Variants in SLC23A2 observed in about 807,000 individuals in gnomAD.
SLC23A2 encodes Na(+)/L-ascorbic acid transporter 2.
SLC23A2 carries 36 observed loss-of-function variants against 73.3 expected under a neutral mutation model. The observed-to-expected ratio is 0.49, with a 90% CI of 0.38 to 0.65. SLC23A2 has a LOEUF of 0.65. SLC23A2 is among the 30% of genes least tolerant of loss of function. SLC23A2 has a pLI of 0.00. For missense variants in SLC23A2, 507 were observed against 841.6 expected (o/e 0.60, Z 4.92); for synonymous variants, 343 against 327.3 (o/e 1.05, Z -0.52).
intron 3 of SLC23A2, among the ~76,000 whole-genome samples, chr20:4,930,936 C>T (rs1026133187): frequency 4.6e-5 from 7 of 150,796 alleles, no homozygotes; most frequent in African/African-American, 7.3e-5. Flanking sequence ...TATGATTGTA[C>T]GACTGCCCTC....
At chr20:4,875,093 C>T (rs979812078) in intron 9 of SLC23A2, among the ~76,000 whole-genome samples, 5 of 152,138 alleles carry the variant, frequency 3.3e-5, no homozygotes, top group African/African-American at 1.2e-4. Flanking sequence ...AACTACAAAG[C>T]AAACCAAGAA....
At chr20:4,953,610 C>T (rs2087236297) in intron 2 of SLC23A2, among the ~76,000 whole-genome samples, 2 of 151,986 alleles carry the variant, frequency 1.3e-5, no homozygotes, top group African/African-American at 2.4e-5. Context: ...AAATGCCAGC[C>T]GGATGCAGTG....
At chr20:4,980,156 A>T (rs2087704005) in intron 1 of SLC23A2, among the ~76,000 whole-genome samples, 1 of 152,244 alleles carries the variant, frequency 6.6e-6, no homozygotes, top group Non-Finnish European at 1.5e-5. Context: ...CAGTGTGTTA[A>T]CCTGAATGCA....
chr20:4,933,753 G>C (rs1932814936), intron 2 of SLC23A2, among the ~76,000 whole-genome samples: 1 of 152,130 alleles, frequency 6.6e-6, no homozygotes, highest in African/African-American at 2.4e-5. Context: ...ACAGGTAAGG[G>C]TGGGAAGGGC....
At chr20:4,892,788 C>G (rs1371709520) in intron 6 of SLC23A2, among the ~76,000 whole-genome samples, 1 of 151,980 alleles carries the variant, frequency 6.6e-6, no homozygotes, top group Non-Finnish European at 1.5e-5. Context: ...GGTCTGGAAT[C>G]TTTTTAAAAA....
chr20:4,883,680 C>G lies in SLC23A2; in HGVS notation c.786G>C (p.Ala262=), dbSNP rs35550945. 1.9e-6 allele frequency: 3 copies of G among 1,613,514 alleles called. No homozygotes were observed. Among genetic ancestry groups the G allele is most frequent in the South Asian group, 1.1e-5 (1 of 91,016 alleles). ...ALIGLSGFQA[A]GERAGKHWGI... ...CCCAGTGCTTCCCGGCTCTCTCCCCCGCTGCCTGGAAACCAGAGAGGCCAA... is the reference window on the plus strand; with the variant it reads ...CCCAGTGCTTCCCGGCTCTCTCCCCGGCTGCCTGGAAACCAGAGAGGCCAA... The change falls in exon 9 of 17, where the codon GCG becomes GCC. Residue 262 remains alanine (A), a synonymous_variant. Coordinates refer to ENST00000338244, the MANE Select transcript of SLC23A2 (RefSeq NM_005116.6). The surrounding 1 kb of genome is among the most constrained non-coding windows in gnomAD (Gnocchi z 4.5).
At chr20:5,003,563 G>A (rs539587144), upstream of SLC23A2, among the ~76,000 whole-genome samples, 1 of 151,122 alleles carries the variant, frequency 6.6e-6, no homozygotes, top group Non-Finnish European at 1.5e-5. Flanking sequence ...GGAATGTGGA[G>A]TCTTCTGATT....
intron 2 of SLC23A2, among the ~76,000 whole-genome samples, chr20:4,962,092 T>C (rs942044805): frequency 2.0e-5 from 3 of 151,596 alleles, no homozygotes; most frequent in African/African-American, 7.3e-5. Flanking sequence ...GGGAATGGGA[T>C]TGGACAGAAG....
chr20:4,959,923 A>G (rs938550091), intron 2 of SLC23A2, among the ~76,000 whole-genome samples: 4 of 152,208 alleles, frequency 2.6e-5, no homozygotes, highest in Admixed American at 2.6e-4. Context: ...AGAGAGAACT[A>G]CAGATGTGTA....
rs765812355 is a variant in SLC23A2, at chr20:4,874,053, T to C, written c.985A>G (p.Ile329Val). The C allele has an allele frequency of 3.1e-6, 5 of 1,614,064 alleles. No individual in the cohort carries two copies. The highest frequency in any genetic ancestry group is 4.2e-6 in the Non-Finnish European group (5 of 1,179,976). Residue 329 changes from isoleucine to valine, a missense_variant, in exon 11 of 17, where the codon ATC becomes GTC. Coordinates refer to ENST00000338244, the MANE Select transcript of SLC23A2 (RefSeq NM_005116.6). ...AILVSWLLCF[I>V]FTVTDVFPPD... ...GGGAAGACATCTGTCACCGTGAAGATGAAGCAGAGCAGCCAGGATACCAGG... is the reference window on the plus strand; with the variant it reads ...GGGAAGACATCTGTCACCGTGAAGACGAAGCAGAGCAGCCAGGATACCAGG...
chr20:4,972,149 C>T (rs1174255281), intron 1 of SLC23A2, among the ~76,000 whole-genome samples: 1 of 152,188 alleles, frequency 6.6e-6, no homozygotes, highest in East Asian at 1.9e-4. Context: ...ATGAGCCTGG[C>T]CCTCCCTTGT....
chr20:4,902,952 C>G lies in SLC23A2; in HGVS notation c.208-394G>C, dbSNP rs1280883278. ...TGAAAAAAATCTTAGAAAATTTTAA[C>G]CACTTTCAAAGAGACAGCACACTGA... On this transcript the variant is annotated intron_variant, in intron 4 of 16. Transcript: ENST00000338244. This position sits in a 1 kb window ranked among gnomAD's most constrained non-coding sequence, Gnocchi z 4.0. Among the ~76,000 whole-genome samples the G allele has an allele frequency of 2.0e-5, 3 of 152,088 alleles. No individual in the cohort carries two copies. Among genetic ancestry groups the G allele is most frequent in the Non-Finnish European group, 4.4e-5 (3 of 68,020 alleles).
rs1019511679 is a variant in SLC23A2 at position 4,947,239 on chromosome 20, G to T, written c.-154-14523C>A. Among the ~76,000 whole-genome samples, 2 of 152,188 alleles carry T rather than the reference G, an allele frequency of 1.3e-5. No homozygotes were observed. The highest frequency in any genetic ancestry group is 2.4e-5 in the African/African-American group (1 of 41,448). On this transcript the variant is annotated intron_variant, in intron 2 of 16. Transcript: ENST00000338244. The surrounding 1 kb of genome is among the most constrained non-coding windows in gnomAD (Gnocchi z 4.4). ...CATAAAAGGCATTCAAATACTTGGG[G>T]AAATCCCTGACTCGTTCAGGGAAAT... is the stretch of plus-strand genomic sequence containing the variant.
At position 4,989,183 on chromosome 20, in the gene SLC23A2, G is replaced by A. The variant is rs73601312; in HGVS notation, c.-282+12223C>T. 5.0e-3 allele frequency among the ~76,000 whole-genome samples: 756 copies of A among 150,366 alleles called. 3 individuals are homozygous for A. Among genetic ancestry groups the A allele is most frequent in the African/African-American group, 0.017 (714 of 40,854 alleles). On this transcript the variant is annotated intron_variant, in intron 1 of 16. Transcript: ENST00000338244. Reference sequence around the variant, plus strand: ...GAACCTGGGAGGCAGAGCTTGCAATGAGCCGAGATCGCTGCTGCACTCCAG... The same window carrying A: ...GAACCTGGGAGGCAGAGCTTGCAATAAGCCGAGATCGCTGCTGCACTCCAG...
At chr20:4,948,668 T>C (rs1022728842) in intron 2 of SLC23A2, among the ~76,000 whole-genome samples, 1 of 152,256 alleles carries the variant, frequency 6.6e-6, no homozygotes, top group Non-Finnish European at 1.5e-5. Flanking sequence ...TGATCTTCAA[T>C]AAATGGGAGG....
Position 4,943,726 on chromosome 20 carries a change from A to G in SLC23A2, c.-154-11010T>C, listed in dbSNP as rs550642390. On this transcript the variant is annotated intron_variant, in intron 2 of 16. Coordinates refer to ENST00000338244, the MANE Select transcript of SLC23A2 (RefSeq NM_005116.6). ...CTTTCACACAAATACATGTAAGACA[A>G]AAATTTGACACTGTTTTATTTATAA... is the stretch of plus-strand genomic sequence containing the variant. 2.6e-5 allele frequency among the ~76,000 whole-genome samples: 4 copies of G among 152,256 alleles called. No individual in the cohort carries two copies. In the South Asian group the frequency reaches 8.3e-4, roughly 32 times the overall value.
In SLC23A2 at chr20:4,872,816, G is replaced by A. The variant is rs146685826; in HGVS notation, c.1102+1120C>T. On this transcript the variant is annotated intron_variant, in intron 11 of 16. Transcript: ENST00000338244. This position sits in a 1 kb window ranked among gnomAD's most constrained non-coding sequence, Gnocchi z 4.4. ...GTCTCCCAGGCTGAAGTGCAGTGGC[G>A]CAATCTCGACTCACTGCAACCTCCG... Among the ~76,000 whole-genome samples, 53 of 152,024 alleles carry A rather than the reference G, an allele frequency of 3.5e-4. No individual in the cohort carries two copies. The East Asian group carries it at 8.7e-3, about 25-fold the overall frequency.
intron 1 of SLC23A2, among the ~76,000 whole-genome samples, chr20:4,980,087 C>T (rs2087703275): frequency 6.6e-6 from 1 of 152,122 alleles, no homozygotes; most frequent in Non-Finnish European, 1.5e-5. Context: ...CATAGTGATT[C>T]CATTCTTCAC....
rs1930044190 is a variant in SLC23A2, at chr20:4,863,109, T to A, written c.1357-202A>T. On this transcript the variant is annotated intron_variant, in intron 13 of 16. Coordinates refer to ENST00000338244, the MANE Select transcript of SLC23A2 (RefSeq NM_005116.6). This position sits in a 1 kb window ranked among gnomAD's most constrained non-coding sequence, Gnocchi z 4.8. The stretch of plus-strand genomic sequence containing the variant: ...CAAGCCTTGGTGACACTCCCTGCAC[T>A]CAGGCCTCAGGGCTCTACTGCCCTG... Among the ~76,000 whole-genome samples, 1 of 152,124 alleles carries A rather than the reference T, an allele frequency of 6.6e-6. No homozygotes were observed. The highest frequency in any genetic ancestry group is 6.5e-5 in the Admixed American group (1 of 15,274).
Sources: allele counts gnomAD v4.1 joint callset (sites outside exome capture counted in the v4.1 genomes callset), GRCh38; gene constraint gnomAD v4.1.1; non-coding constraint Gnocchi (gnomAD v3.1); transcripts MANE v1.5; gene names NCBI Gene and HGNC (gene_info 2026-07-23, HGNC 2026-07-21).